The following ZPBP variants were observed in gnomAD, a reference collection of about 807,000 sequenced individuals.
The protein encoded by ZPBP is zona pellucida-binding protein 1.
ZPBP carries 26 observed loss-of-function variants against 44.8 expected under a neutral mutation model. The ratio of observed to expected loss-of-function variants is 0.58; its 90% CI spans 0.43 to 0.81. ZPBP has a LOEUF of 0.81. Ranked by LOEUF, ZPBP falls within the 30% of genes least tolerant of loss-of-function variation. The pLI is 0.00. For missense variants in ZPBP, 409 were observed against 434.0 expected, an observed-to-expected ratio of 0.94 and a Z score of 0.51; for synonymous variants, 174 against 153.2, an observed-to-expected ratio of 1.14 and a Z score of -1.00.
chr7:50,063,195 A>G (rs1584148771), intron 3 of ZPBP, among the ~76,000 whole-genome samples: 1 of 152,242 alleles, frequency 6.6e-6, no homozygotes, highest in South Asian at 2.1e-4. Context: ...GATAAGGCTC[A>G]CTAGCCACAG....
intron 7 of ZPBP, among the ~76,000 whole-genome samples, chr7:49,952,743 T>C (rs1444673263): frequency 6.6e-6 from 1 of 151,952 alleles, no homozygotes; most frequent in Non-Finnish European, 1.5e-5. Context: ...CAATTTGTAA[T>C]AAAAATTAGA....
intron 4 of ZPBP, among the ~76,000 whole-genome samples, chr7:50,047,662 CAAA>C (rs60779181): frequency 1.7e-4 from 22 of 129,726 alleles, no homozygotes; most frequent in Non-Finnish European, 2.5e-4. Flanking sequence ...ACCCAAATGG[CAAA>C]AAAAAAAAAA....
chr7:49,987,284 T>C (rs1797332521), intron 6 of ZPBP, among the ~76,000 whole-genome samples: 1 of 152,216 alleles, frequency 6.6e-6, no homozygotes, highest in Non-Finnish European at 1.5e-5. Flanking sequence ...TATAAGTATA[T>C]TTAAAAGGCC....
chr7:49,995,834 T>C (rs772942874), intron 6 of ZPBP, among the ~76,000 whole-genome samples: 60 of 152,002 alleles, frequency 3.9e-4, no homozygotes, highest in Non-Finnish European at 7.6e-4. Context: ...CTCAAGGAGG[T>C]AGAAAGTAGA....
intron 1 of ZPBP, among the ~76,000 whole-genome samples, chr7:49,924,228 T>C (rs1794143141): frequency 6.6e-6 from 1 of 151,816 alleles, no homozygotes; most frequent in African/African-American, 2.4e-5. Context: ...CATACCATAA[T>C]TTATAGGGTA....
intron 5 of ZPBP, among the ~76,000 whole-genome samples, chr7:50,030,861 A>G (rs1393131673): frequency 6.6e-6 from 1 of 152,190 alleles, no homozygotes; most frequent in East Asian, 1.9e-4. Context: ...ACTCTACAGT[A>G]AATTATCATA....
At chr7:49,982,717 A>T (rs1247003241) in intron 7 of ZPBP, among the ~76,000 whole-genome samples, 1 of 151,918 alleles carries the variant, frequency 6.6e-6, no homozygotes, top group Non-Finnish European at 1.5e-5. Flanking sequence ...TGATATTAGT[A>T]TAAATTGTTA....
chr7:49,852,322 G>A (rs1420448631), intron 2 of ZPBP, among the ~76,000 whole-genome samples: 2 of 152,238 alleles, frequency 1.3e-5, no homozygotes, highest in African/African-American at 4.8e-5. Context: ...CATGCATGCA[G>A]ATGACATTGC....
At position 49,911,212 on chromosome 7, in the gene ZPBP, G is replaced by A. The variant is rs182744972; in HGVS notation, n.412-9997C>T. 4.7e-4 allele frequency among the ~76,000 whole-genome samples: 71 copies of A among 152,150 alleles called. No homozygotes were observed. The Middle Eastern group carries it at 0.017, about 37-fold the overall frequency. On this transcript the variant is annotated intron_variant and non_coding_transcript_variant, in intron 1 of 2. Transcript: ENST00000465922. ...TAAAAATTTTAAATGGGCTGGGAGC[G>A]GTGGCTTACACCTGTAATCCCAGCA...
chr7:50,045,365 T>C (rs540319483), intron 4 of ZPBP, among the ~76,000 whole-genome samples: 1 of 152,330 alleles, frequency 6.6e-6, no homozygotes, highest in Non-Finnish European at 1.5e-5. Context: ...AAATTGTCTC[T>C]GTTTGCAGAT....
At chr7:49,971,322 G>A (rs73113289) in intron 7 of ZPBP, among the ~76,000 whole-genome samples, 356 of 152,138 alleles carry the variant, frequency 2.3e-3, no homozygotes, top group Middle Eastern at 6.8e-3. Context: ...AGAAACAAAG[G>A]TTGGTTCTTT....
intron 2 of ZPBP, among the ~76,000 whole-genome samples, chr7:49,869,415 C>T (rs546512808): frequency 7.8e-4 from 118 of 152,140 alleles, no homozygotes; most frequent in African/African-American, 2.6e-3. Context: ...AACAAAGCAA[C>T]GATTTTAACA....
At chr7:49,847,424 G>C (rs544397106), downstream of ZPBP, among the ~76,000 whole-genome samples, 254 of 152,176 alleles carry the variant, frequency 1.7e-3, no homozygotes, top group Non-Finnish European at 2.8e-3. Context: ...CTTGAGCACA[G>C]AGCCTTGCAG....
chr7:50,090,499 GTGTATATATA>G (rs1481854376), intron 1 of ZPBP, among the ~76,000 whole-genome samples: 1 of 151,160 alleles, frequency 6.6e-6, no homozygotes, highest in African/African-American at 2.4e-5. Flanking sequence ...GTGTATATGA[GTGTATATATA>G]TGTGTATATA....
intron 2 of ZPBP, among the ~76,000 whole-genome samples, chr7:49,880,033 T>C (rs573619349): frequency 6.6e-6 from 1 of 152,314 alleles, no homozygotes; most frequent in South Asian, 2.1e-4. Context: ...GAGCATCATT[T>C]TCTCCCAACT....
intron 2 of ZPBP, among the ~76,000 whole-genome samples, chr7:49,858,015 G>A (rs1037249419): frequency 5.3e-5 from 8 of 152,084 alleles, no homozygotes; most frequent in Admixed American, 1.3e-4. Flanking sequence ...CTGTAACCTC[G>A]TGTCAATGAA....
intron 1 of ZPBP, among the ~76,000 whole-genome samples, chr7:49,905,694 A>G (rs750954493): frequency 5.9e-5 from 9 of 152,220 alleles, no homozygotes; most frequent in Non-Finnish European, 1.3e-4. Flanking sequence ...GGGCTGGGTA[A>G]AATGAGGCTG....
chr7:49,996,044 C>T (rs191713608), intron 6 of ZPBP, among the ~76,000 whole-genome samples: 3 of 152,238 alleles, frequency 2.0e-5, no homozygotes, highest in African/African-American at 7.2e-5. Flanking sequence ...TTAATAAATG[C>T]TCGAGGTGAT....
chr7:49,874,876 T>TG (rs1772231920), intron 2 of ZPBP, among the ~76,000 whole-genome samples: 2 of 152,278 alleles, frequency 1.3e-5, no homozygotes, highest in South Asian at 4.2e-4. Context: ...GGCCAGAACC[T>TG]GCCTGTTGGT....
Sources: gnomAD v4.1 joint callset for allele counts (sites outside exome capture counted in the v4.1 genomes callset) on GRCh38, gnomAD v4.1.1 for gene constraint, MANE v1.5 for transcripts, NCBI Gene and HGNC (gene_info 2026-07-23, HGNC 2026-07-21) for gene names.